The following CDH13 variants were observed in gnomAD, a reference collection of about 807,000 sequenced individuals.
CDH13 encodes cadherin 13, also known as cadherin-13.
A neutral mutation model predicts 63.8 loss-of-function variants in CDH13; 24 were observed. The observed-to-expected ratio is 0.38, with a 90% CI of 0.27 to 0.53. The LOEUF (loss-of-function observed/expected upper bound fraction) is 0.53. Among genes scored for constraint, CDH13 ranks in the 20% least tolerant of loss-of-function variants. The probability of loss-of-function intolerance (pLI) is 0.85; values close to 1 mark genes in which losing one functional copy is unlikely to be tolerated. For synonymous variants in CDH13, 503 were observed against 355.3 expected (o/e 1.42, Z -4.67); for missense variants, 1,049 against 903.1 (o/e 1.16, Z -2.07).
At chr16:83,703,864 G>A (rs182340582) in intron 10 of CDH13, among the ~76,000 whole-genome samples, 59 of 152,186 alleles carry the variant, frequency 3.9e-4, no homozygotes, top group Admixed American at 3.1e-3. Context: ...GCACGAACTC[G>A]CAATTACTCC....
chr16:83,127,857 A>G (rs181887252), intron 4 of CDH13, among the ~76,000 whole-genome samples: 355 of 152,306 alleles, frequency 2.3e-3, no homozygotes, highest in African/African-American at 6.8e-3. Flanking sequence ...CTAAGCAAAA[A>G]TCTTTTTAAG....
chr16:83,629,055 C>T (rs1910560407), intron 8 of CDH13, among the ~76,000 whole-genome samples: 1 of 152,140 alleles, frequency 6.6e-6, no homozygotes, highest in Non-Finnish European at 1.5e-5. Context: ...AGCTCTCTTC[C>T]TTATGTTCCT....
At chr16:82,711,281 C>T (rs749702700) in intron 1 of CDH13, among the ~76,000 whole-genome samples, 27 of 152,128 alleles carry the variant, frequency 1.8e-4, no homozygotes, top group Non-Finnish European at 3.2e-4. Flanking sequence ...TCATCATCTA[C>T]CATTCTCTTA....
chr16:83,315,497 A>C (rs892940516), intron 5 of CDH13, among the ~76,000 whole-genome samples: 9 of 152,198 alleles, frequency 5.9e-5, no homozygotes, highest in Non-Finnish European at 1.2e-4. Flanking sequence ...TCCGTGAATG[A>C]CTAACTGGTG....
At chr16:82,652,213 A>T (rs1910800664) in intron 1 of CDH13, among the ~76,000 whole-genome samples, 1 of 152,120 alleles carries the variant, frequency 6.6e-6, no homozygotes, top group Admixed American at 6.5e-5. Context: ...TGCTTCAGAA[A>T]ATCATTATTG....
chr16:83,291,432 A>G (rs1340861853), intron 5 of CDH13, among the ~76,000 whole-genome samples: 1 of 152,104 alleles, frequency 6.6e-6, no homozygotes, highest in African/African-American at 2.4e-5. Context: ...CAGCTACGAG[A>G]CTGTCCCTTC....
Position 83,240,272 on chromosome 16 carries a change from C to T in CDH13, c.636+22775C>T, listed in dbSNP as rs572486697. Among the ~76,000 whole-genome samples the T allele has an allele frequency of 4.2e-3, 645 of 151,880 alleles. 5 individuals are homozygous for T. The highest frequency in any genetic ancestry group is 0.015 in the African/African-American group (611 of 41,428). ...GCTTAGCATGTGTAGGGAACGTAGG[C>T]CTGGGAGGGGGTGGATCACTCAGGG... On this transcript the variant is annotated intron_variant, in intron 5 of 13. Coordinates refer to ENST00000567109, the MANE Select transcript of CDH13 (RefSeq NM_001257.5).
At chr16:83,044,438 A>G (rs1326309606) in intron 3 of CDH13, among the ~76,000 whole-genome samples, 1 of 152,262 alleles carries the variant, frequency 6.6e-6, no homozygotes, top group Non-Finnish European at 1.5e-5. Context: ...AAGGTGGGCA[A>G]GCCCTGTATT....
chr16:83,288,560 C>A (rs1006219892), intron 5 of CDH13, among the ~76,000 whole-genome samples: 1 of 152,154 alleles, frequency 6.6e-6, no homozygotes, highest in Admixed American at 6.5e-5. Context: ...GCTGAAGGAG[C>A]CACACAGAGC....
At chr16:82,751,758 C>T (rs543043638) in intron 1 of CDH13, among the ~76,000 whole-genome samples, 49 of 151,406 alleles carry the variant, frequency 3.2e-4, no homozygotes, top group South Asian at 4.2e-4. Flanking sequence ...CGCACGTTTT[C>T]GTTTTGTACC....
At chr16:82,816,615 A>T (rs2037722413) in intron 1 of CDH13, among the ~76,000 whole-genome samples, 1 of 151,918 alleles carries the variant, frequency 6.6e-6, no homozygotes, top group Non-Finnish European at 1.5e-5. Context: ...AATCCTGAGA[A>T]TGGAGAGTGC....
At chr16:83,575,663 G>A (rs751027077) in intron 7 of CDH13, among the ~76,000 whole-genome samples, 16 of 152,160 alleles carry the variant, frequency 1.1e-4, no homozygotes, top group South Asian at 2.1e-4. Context: ...TTAACCTCCC[G>A]TCAGATTTTA....
chr16:83,227,659 G>GT (rs1597555644), intron 5 of CDH13, among the ~76,000 whole-genome samples: 1 of 152,120 alleles, frequency 6.6e-6, no homozygotes, highest in East Asian at 1.9e-4. Context: ...AAACCCCCAG[G>GT]TAAAAAGCAC....
At chr16:83,381,287 A>G (rs2091562159) in intron 6 of CDH13, among the ~76,000 whole-genome samples, 1 of 151,922 alleles carries the variant, frequency 6.6e-6, no homozygotes, top group South Asian at 2.1e-4. Context: ...AACTGCCTGA[A>G]ATTTTCCCAG....
chr16:83,745,226 C>A (rs919717074), intron 10 of CDH13, among the ~76,000 whole-genome samples: 4 of 152,126 alleles, frequency 2.6e-5, no homozygotes, highest in Non-Finnish European at 4.4e-5. Flanking sequence ...AAAGAACAGG[C>A]CAGACGCCTT....
intron 1 of CDH13, among the ~76,000 whole-genome samples, chr16:82,640,610 C>A (rs1234064859): frequency 1.3e-5 from 2 of 152,142 alleles, no homozygotes; most frequent in Non-Finnish European, 2.9e-5. Context: ...ATTTGCCAAC[C>A]ACTAATCTAA....
At chr16:83,526,376 G>A (rs2074959416) in intron 7 of CDH13, among the ~76,000 whole-genome samples, 1 of 152,208 alleles carries the variant, frequency 6.6e-6, no homozygotes, top group South Asian at 2.1e-4. Flanking sequence ...AATTTTTCCA[G>A]TGGGATTGGA....
At chr16:83,430,939 G>A (rs985802401) in intron 6 of CDH13, among the ~76,000 whole-genome samples, 4 of 151,362 alleles carry the variant, frequency 2.6e-5, no homozygotes, top group African/African-American at 9.7e-5. Flanking sequence ...CTAGCATTAG[G>A]TATATCTCCC....
intron 9 of CDH13, 139 bp from the exon 10 acceptor site, chr16:83,678,068 GT>G (rs1032431025): frequency 1.9e-5 from 13 of 684,374 alleles, no homozygotes; most frequent in Admixed American, 1.2e-4. Flanking sequence ...TAGCCCCCCA[GT>G]TACACAGGCT....
Sources: gnomAD v4.1 joint callset for allele counts (sites outside exome capture counted in the v4.1 genomes callset) on GRCh38, gnomAD v4.1.1 for gene constraint, MANE v1.5 for transcripts, NCBI Gene and HGNC (gene_info 2026-07-23, HGNC 2026-07-21) for gene names.